RYR2: variants seen among roughly 807,000 people sequenced by gnomAD.
The protein encoded by RYR2 is ryanodine receptor 2, also known as cardiac muscle ryanodine receptor-calcium release channel.
Under a neutral mutation model 601.1 loss-of-function variants are expected in RYR2, and 227 were observed. The ratio of observed to expected loss-of-function variants is 0.38; its 90% CI spans 0.34 to 0.42. The LOEUF (loss-of-function observed/expected upper bound fraction) is 0.42. RYR2 is among the 10% of genes least tolerant of loss of function. The pLI is 1.00. For missense variants in RYR2, 4,646 were observed against 6,156.5 expected, an observed-to-expected ratio of 0.75 and a Z score of 8.21; for synonymous variants, 2,223 against 2,175.1, an observed-to-expected ratio of 1.02 and a Z score of -0.61.
At chr1:237,281,734 C>A (rs1449038202) in intron 2 of RYR2, among the ~76,000 whole-genome samples, 1 of 152,190 alleles carries the variant, frequency 6.6e-6, no homozygotes, top group Non-Finnish European at 1.5e-5. Flanking sequence ...CCTTAGTTCT[C>A]ACAAATACAA....
At chr1:237,352,034 TAAA>T (rs752407008) in intron 3 of RYR2, among the ~76,000 whole-genome samples, 1 of 151,574 alleles carries the variant, frequency 6.6e-6, no homozygotes, top group Non-Finnish European at 1.5e-5. Flanking sequence ...CTTATTAAGA[TAAA>T]AAAATATTTA....
chr1:237,477,958 T>G (rs1212510203), intron 17 of RYR2, among the ~76,000 whole-genome samples: 1 of 152,122 alleles, frequency 6.6e-6, no homozygotes, highest in Admixed American at 6.5e-5. Context: ...GTGAAAGTAG[T>G]CTTGATGGAT....
At chr1:237,333,974 C>G (rs1029597865) in intron 3 of RYR2, among the ~76,000 whole-genome samples, 1 of 152,092 alleles carries the variant, frequency 6.6e-6, no homozygotes, top group African/African-American at 2.4e-5. Context: ...AAGCCCTGTT[C>G]TTTTTTATTT....
At chr1:237,335,848 C>T (rs1017874696) in intron 3 of RYR2, among the ~76,000 whole-genome samples, 4 of 151,838 alleles carry the variant, frequency 2.6e-5, no homozygotes, top group Admixed American at 1.3e-4. Flanking sequence ...GGTAGTTTAC[C>T]GCTATGTAAG....
chr1:237,452,425 G>A (rs1158599461), intron 14 of RYR2, among the ~76,000 whole-genome samples: 1 of 110,560 alleles, frequency 9.0e-6, no homozygotes, highest in African/African-American at 2.8e-5. Flanking sequence ...ATATACTATA[G>A]AGTATATTAT....
intron 1 of RYR2, among the ~76,000 whole-genome samples, chr1:237,133,931 A>AAAAAAC (rs1265119127): frequency 2.6e-5 from 4 of 151,578 alleles, no homozygotes; most frequent in African/African-American, 9.7e-5. Flanking sequence ...TCTCAAAAAA[A>AAAAAAC]AAAAAAAAAC....
chr1:237,132,399 A>C (rs529985991), intron 1 of RYR2, among the ~76,000 whole-genome samples: 2 of 152,234 alleles, frequency 1.3e-5, no homozygotes, highest in Non-Finnish European at 2.9e-5. Flanking sequence ...CCAGCAGCTT[A>C]GGTGCTCTTG....
chr1:237,485,237 A>G (rs893260446), intron 17 of RYR2, among the ~76,000 whole-genome samples: 2 of 152,206 alleles, frequency 1.3e-5, no homozygotes, highest in Non-Finnish European at 2.9e-5. Flanking sequence ...AACAATTATG[A>G]ATCTTGTTAT....
At chr1:237,485,155 A>G (rs1662543493) in intron 17 of RYR2, among the ~76,000 whole-genome samples, 1 of 152,256 alleles carries the variant, frequency 6.6e-6, no homozygotes, top group Non-Finnish European at 1.5e-5. Context: ...TGTCTTTTCT[A>G]CATTTAAAAT....
intron 38 of RYR2, among the ~76,000 whole-genome samples, chr1:237,618,460 A>T (rs1186057518): frequency 1.3e-5 from 2 of 152,180 alleles, no homozygotes; most frequent in Non-Finnish European, 2.9e-5. Context: ...GAGGTTGGCT[A>T]CAGAACTCAG....
At chr1:237,171,027 G>A (rs1308176464) in intron 1 of RYR2, among the ~76,000 whole-genome samples, 1 of 152,084 alleles carries the variant, frequency 6.6e-6, no homozygotes, top group African/African-American at 2.4e-5. Context: ...GAGGTCGGGA[G>A]ATCGAGACCA....
At chr1:237,439,464 G>A (rs1189771114) in intron 12 of RYR2, among the ~76,000 whole-genome samples, 2 of 151,960 alleles carry the variant, frequency 1.3e-5, no homozygotes, top group African/African-American at 4.8e-5. Flanking sequence ...CACCAACATG[G>A]TGCAATCTGT....
At chr1:237,153,282 G>A (rs1674940859) in intron 1 of RYR2, among the ~76,000 whole-genome samples, 1 of 152,218 alleles carries the variant, frequency 6.6e-6, no homozygotes, top group Non-Finnish European at 1.5e-5. Flanking sequence ...GGTTTCTAGT[G>A]TTGGCAGTTG....
chr1:237,810,571 T>A (rs1661143966), intron 100 of RYR2, among the ~76,000 whole-genome samples: 1 of 152,140 alleles, frequency 6.6e-6, no homozygotes, highest in East Asian at 1.9e-4. Flanking sequence ...CCTATCAAAT[T>A]TTTAAGTATA....
chr1:237,663,819 T>G (rs1412015457), intron 56 of RYR2, among the ~76,000 whole-genome samples: 2 of 152,206 alleles, frequency 1.3e-5, no homozygotes, highest in African/African-American at 4.8e-5. Context: ...AATCCTGATT[T>G]CAGGAAATTT....
At chr1:237,412,907 G>A (rs1397991687) in intron 10 of RYR2, among the ~76,000 whole-genome samples, 1 of 152,180 alleles carries the variant, frequency 6.6e-6, no homozygotes, top group East Asian at 1.9e-4. Flanking sequence ...TTGGTCTTTA[G>A]AACAATTGTC....
intron 4 of RYR2, among the ~76,000 whole-genome samples, chr1:237,359,656 T>A (rs1044195357): frequency 6.6e-6 from 1 of 152,120 alleles, no homozygotes; most frequent in Admixed American, 6.6e-5. Flanking sequence ...CCCCTCTCCA[T>A]CCCCTTTTCC....
chr1:237,626,864 T>G (rs992511524), intron 40 of RYR2, among the ~76,000 whole-genome samples: 6 of 152,236 alleles, frequency 3.9e-5, no homozygotes, highest in African/African-American at 1.4e-4. Flanking sequence ...TGAGCCACTG[T>G]GCATGGCCAG....
chr1:237,394,944 C>T (rs1232350247), intron 10 of RYR2, among the ~76,000 whole-genome samples: 1 of 152,078 alleles, frequency 6.6e-6, no homozygotes, highest in African/African-American at 2.4e-5. Context: ...TTTTACGTGG[C>T]TGGAGGAGGA....
Sources: allele counts gnomAD v4.1 joint callset (sites outside exome capture counted in the v4.1 genomes callset), GRCh38; gene constraint gnomAD v4.1.1; transcripts MANE v1.5; gene names NCBI Gene and HGNC (gene_info 2026-07-23, HGNC 2026-07-21).